Variants in TM9SF4 observed in about 807,000 individuals in gnomAD.
TM9SF4 encodes transmembrane 9 superfamily member 4, also known as dinucleotide oxidase disulfide thiol exchanger 3 superfamily member 4.
Under a neutral mutation model 90.4 loss-of-function variants are expected in TM9SF4, and 26 were observed. That is an observed-to-expected ratio of 0.29 (90% CI 0.21 to 0.40). TM9SF4 has a LOEUF of 0.40. Among genes scored for constraint, TM9SF4 ranks in the 10% least tolerant of loss-of-function variants. TM9SF4 has a pLI of 1.00. For missense variants in TM9SF4, 549 were observed against 834.8 expected (o/e 0.66, Z 4.22); for synonymous variants, 293 against 315.4 (o/e 0.93, Z 0.75).
intron 9 of TM9SF4, among the ~76,000 whole-genome samples, chr20:32,147,191 G>A (rs6142620): frequency 0.37 from 56,410 of 151,756 alleles, 11,419 homozygotes; most frequent in East Asian, 0.74. Context: ...ATGTTAGCCA[G>A]GATGGTCTCA....
intron 2 of TM9SF4, among the ~76,000 whole-genome samples, chr20:32,135,406 T>C (rs2046580408): frequency 1.3e-5 from 2 of 152,236 alleles, no homozygotes; most frequent in Admixed American, 1.3e-4. Context: ...AAGGCACACG[T>C]GGTCCTTGTC....
intron 1 of TM9SF4, among the ~76,000 whole-genome samples, chr20:32,122,503 A>G (rs1308981586): frequency 4.7e-5 from 7 of 148,524 alleles, no homozygotes; most frequent in African/African-American, 1.8e-4. Context: ...GCGGCCGGGC[A>G]GAGACGCTCC....
intron 13 of TM9SF4, among the ~76,000 whole-genome samples, chr20:32,157,398 T>A (rs1373176875): frequency 6.6e-6 from 1 of 152,250 alleles, no homozygotes; most frequent in African/African-American, 2.4e-5. Context: ...TAATAGTATA[T>A]CATGTAGTTT....
chr20:32,123,185 GGGGGAGA>G (rs2046355964), intron 1 of TM9SF4, among the ~76,000 whole-genome samples: 1 of 10,960 alleles, frequency 9.1e-5, no homozygotes, highest in African/African-American at 2.4e-4. Context: ...GAGGGGGGGA[GGGGGAGA>G]GGGGGAGGGG....
At chr20:32,122,719 A>G (rs1269490503) in intron 1 of TM9SF4, among the ~76,000 whole-genome samples, 2 of 150,796 alleles carry the variant, frequency 1.3e-5, no homozygotes, top group Non-Finnish European at 3.0e-5. Context: ...CTCACATCCC[A>G]GACGATGGGT....
intron 1 of TM9SF4, among the ~76,000 whole-genome samples, chr20:32,118,866 C>G (rs971968930): frequency 6.6e-6 from 1 of 151,922 alleles, no homozygotes; most frequent in African/African-American, 2.4e-5. Flanking sequence ...TGGGCTCAAG[C>G]GATCCACCTG....
In TM9SF4 at chr20:32,155,114, G is replaced by A; in HGVS notation, c.1257G>A (p.Leu419=). 1 of 1,614,102 alleles carries A rather than the reference G, an allele frequency of 6.2e-7. No individual in the cohort carries two copies. The highest frequency in any genetic ancestry group is 1.3e-5 in the African/African-American group (1 of 75,018). The change falls in exon 13 of 18, where the codon CTG becomes CTA. Residue 419 remains leucine (L), a synonymous_variant. Transcript: ENST00000398022. ...WKKGAFCTAT[L]YPGVVFGICF... ...CCCTCTTGCTCCAGACGGCAACTCTGTACCCTGGTGTGGTTTTTGGCATCT... is the reference window on the plus strand; with the variant it reads ...CCCTCTTGCTCCAGACGGCAACTCTATACCCTGGTGTGGTTTTTGGCATCT...
At chr20:32,109,980 G>C (rs1364056012) in intron 1 of TM9SF4, 1 of 1,414,822 alleles carries the variant, frequency 7.1e-7, no homozygotes, top group East Asian at 2.5e-5. Context: ...CGCCGTTTCG[G>C]AGGAAGACCT....
chr20:32,138,603 G>A (rs996266894), intron 3 of TM9SF4, among the ~76,000 whole-genome samples: 1 of 152,270 alleles, frequency 6.6e-6, no homozygotes, highest in African/African-American at 2.4e-5. Flanking sequence ...GTTGCAGTGA[G>A]CTGAGATTGC....
chr20:32,126,895 C>A (rs953328725), intron 1 of TM9SF4, among the ~76,000 whole-genome samples: 1 of 152,112 alleles, frequency 6.6e-6, no homozygotes, highest in Non-Finnish European at 1.5e-5. Context: ...GCCACCACGC[C>A]GGCTAATTTT....
At chr20:32,158,887 C>T (rs1358788177) in intron 15 of TM9SF4, among the ~76,000 whole-genome samples, 2 of 151,780 alleles carry the variant, frequency 1.3e-5, no homozygotes, top group Non-Finnish European at 2.9e-5. Context: ...GAGGCTGAGG[C>T]AGGAGAATCA....
At chr20:32,122,932 C>T (rs1351005302) in intron 1 of TM9SF4, among the ~76,000 whole-genome samples, 5 of 151,744 alleles carry the variant, frequency 3.3e-5, no homozygotes, top group South Asian at 2.1e-4. Flanking sequence ...CTCGGGAGGC[C>T]GAGGCTGGTA....
At chr20:32,149,482 T>C (rs2046810336) in intron 9 of TM9SF4, 152 bp from the exon 10 acceptor site, 1 of 959,694 alleles carries the variant, frequency 1.0e-6, no homozygotes, top group African/African-American at 1.7e-5. Flanking sequence ...CTTGTGACAG[T>C]TTCAGATAAG....
intron 12 of TM9SF4, among the ~76,000 whole-genome samples, chr20:32,151,702 A>G (rs1470716766): frequency 6.6e-6 from 1 of 152,048 alleles, no homozygotes; most frequent in African/African-American, 2.4e-5. Context: ...TGTTTTTGAG[A>G]TGGAGTTTTG....
At chr20:32,123,826 G>T (rs1013155977) in intron 1 of TM9SF4, among the ~76,000 whole-genome samples, 2 of 132,396 alleles carry the variant, frequency 1.5e-5, no homozygotes, top group African/African-American at 2.9e-5. Context: ...TAGCTCTCTA[G>T]CTCACGTGTT....
chr20:32,123,251 T>C (rs2046362764), intron 1 of TM9SF4, among the ~76,000 whole-genome samples: 1 of 129,218 alleles, frequency 7.7e-6, no homozygotes, highest in Non-Finnish European at 1.6e-5. Flanking sequence ...CTTTTTTTTT[T>C]CTACGTAATA....
chr20:32,139,748 G>A (rs1320721764), intron 3 of TM9SF4, among the ~76,000 whole-genome samples: 1 of 152,228 alleles, frequency 6.6e-6, no homozygotes, highest in Non-Finnish European at 1.5e-5. Context: ...CCTGAGTACT[G>A]GCCCATCTCT....
intron 17 of TM9SF4, among the ~76,000 whole-genome samples, chr20:32,162,706 T>A (rs993194376): frequency 1.3e-5 from 2 of 152,190 alleles, no homozygotes; most frequent in African/African-American, 4.8e-5. Flanking sequence ...AGGTCTTGAT[T>A]CACACTGCAG....
At chr20:32,133,198 G>A (rs1446588578) in intron 2 of TM9SF4, 72 bp downstream of exon 2, 3 of 1,394,338 alleles carry the variant, frequency 2.2e-6, no homozygotes, top group Non-Finnish European at 3.0e-6. Flanking sequence ...TGAGCTGTTC[G>A]TGTCCATCCT....
Sources: allele counts gnomAD v4.1 joint callset (sites outside exome capture counted in the v4.1 genomes callset), GRCh38; gene constraint gnomAD v4.1.1; transcripts MANE v1.5; gene names NCBI Gene and HGNC (gene_info 2026-07-23, HGNC 2026-07-21).